Variants in KCNMB2 observed in about 807,000 individuals in gnomAD.
KCNMB2 encodes the protein calcium-activated potassium channel subunit beta-2.
KCNMB2 carries 9 observed loss-of-function variants against 24.5 expected under a neutral mutation model. That is an observed-to-expected ratio of 0.37 (90% confidence interval 0.22 to 0.64). The LOEUF is 0.64. KCNMB2 is among the 30% of genes least tolerant of loss of function. The pLI is 0.63. For missense variants in KCNMB2, 226 were observed against 284.3 expected, an observed-to-expected ratio of 0.79 and a Z score of 1.47; for synonymous variants, 109 against 104.4, an observed-to-expected ratio of 1.04 and a Z score of -0.27.
intron 1 of KCNMB2, among the ~76,000 whole-genome samples, chr3:178,733,511 C>T (rs879722426): frequency 1.3e-5 from 2 of 152,108 alleles, no homozygotes; most frequent in African/African-American, 2.4e-5. Flanking sequence ...GACAGAGTCT[C>T]GCTCCGTCGC....
At chr3:178,721,539 G>A (rs1722805992) in intron 1 of KCNMB2, among the ~76,000 whole-genome samples, 1 of 152,156 alleles carries the variant, frequency 6.6e-6, no homozygotes, top group Non-Finnish European at 1.5e-5. Flanking sequence ...AAACATTTGT[G>A]TGTACATTTG....
At chr3:178,614,829 G>A (rs1030766570) in intron 1 of KCNMB2, among the ~76,000 whole-genome samples, 2 of 152,180 alleles carry the variant, frequency 1.3e-5, no homozygotes, top group African/African-American at 4.8e-5. Flanking sequence ...ATTGATGATA[G>A]TAGATGTTTT....
At chr3:178,629,558 T>C (rs1206197493) in intron 1 of KCNMB2, among the ~76,000 whole-genome samples, 2 of 152,152 alleles carry the variant, frequency 1.3e-5, no homozygotes, top group East Asian at 1.9e-4. Flanking sequence ...AGAATCCTGG[T>C]CTGGAAAATG....
At chr3:178,775,953 G>C (rs928808953) in intron 1 of KCNMB2, among the ~76,000 whole-genome samples, 7 of 151,810 alleles carry the variant, frequency 4.6e-5, no homozygotes, top group Non-Finnish European at 1.0e-4. Flanking sequence ...TTCTCCCCAG[G>C]GTTCCATCTT....
At chr3:178,772,709 C>T (rs1162807017) in intron 1 of KCNMB2, among the ~76,000 whole-genome samples, 2 of 152,196 alleles carry the variant, frequency 1.3e-5, no homozygotes, top group African/African-American at 4.8e-5. Context: ...GCAGATAACA[C>T]TGCCTTGCAT....
chr3:178,727,417 C>T (rs1412133929), intron 1 of KCNMB2, among the ~76,000 whole-genome samples: 1 of 152,154 alleles, frequency 6.6e-6, no homozygotes, highest in Non-Finnish European at 1.5e-5. Flanking sequence ...GTCCTAATCT[C>T]TAGAACCTGA....
intron 1 of KCNMB2, among the ~76,000 whole-genome samples, chr3:178,579,164 A>G (rs1387586305): frequency 6.6e-6 from 1 of 152,202 alleles, no homozygotes; most frequent in Non-Finnish European, 1.5e-5. Context: ...CAGAAATCAT[A>G]ACAGTCTCTC....
chr3:178,649,515 TG>T (rs1720033335), intron 1 of KCNMB2, among the ~76,000 whole-genome samples: 1 of 151,824 alleles, frequency 6.6e-6, no homozygotes, highest in East Asian at 1.9e-4. Flanking sequence ...TTTTTTTGGT[TG>T]GTAGGCTATT....
At chr3:178,555,583 T>A (rs1427270537) in intron 1 of KCNMB2, among the ~76,000 whole-genome samples, 1 of 152,240 alleles carries the variant, frequency 6.6e-6, no homozygotes, top group Non-Finnish European at 1.5e-5. Context: ...ATGGGCTATG[T>A]TTACAAAGCC....
intron 1 of KCNMB2, among the ~76,000 whole-genome samples, chr3:178,737,688 G>C (rs1723361866): frequency 6.6e-6 from 1 of 152,170 alleles, no homozygotes; most frequent in Non-Finnish European, 1.5e-5. Context: ...TGGAAACAAA[G>C]AATGTATACT....
intron 1 of KCNMB2, among the ~76,000 whole-genome samples, chr3:178,707,717 AAT>A (rs10584287): frequency 0.31 from 47,642 of 151,928 alleles, 7,953 homozygotes; most frequent in African/African-American, 0.42. Context: ...AAAATCATTA[AAT>A]GGGAGCCATT....
chr3:178,780,426 A>G (rs1712782617), intron 1 of KCNMB2, among the ~76,000 whole-genome samples: 1 of 152,234 alleles, frequency 6.6e-6, no homozygotes, highest in Non-Finnish European at 1.5e-5. Context: ...TCAGGGATGC[A>G]AGGAGGGATT....
chr3:178,596,348 A>T (rs1363981747), intron 1 of KCNMB2, among the ~76,000 whole-genome samples: 1 of 152,148 alleles, frequency 6.6e-6, no homozygotes, highest in African/African-American at 2.4e-5. Flanking sequence ...TCTAAGCTGG[A>T]CAACAATCAT....
chr3:178,664,254 T>C (rs1204175498), intron 1 of KCNMB2, among the ~76,000 whole-genome samples: 1 of 151,944 alleles, frequency 6.6e-6, no homozygotes, highest in African/African-American at 2.4e-5. Context: ...TTAATAAAAG[T>C]AGAGAACAAA....
intron 1 of KCNMB2, among the ~76,000 whole-genome samples, chr3:178,558,350 T>C (rs1398154678): frequency 6.6e-6 from 1 of 152,192 alleles, no homozygotes; most frequent in Non-Finnish European, 1.5e-5. Flanking sequence ...TTTAAGTAAT[T>C]AAAAAGGAGC....
chr3:178,796,795 A>G lies in KCNMB2; in HGVS notation c.-67-10548A>G, dbSNP rs546819307. ...TAGCAGTAAACACCTACATCAAAAAAGTAGAAAAACTTCAAATAAACAACC... is the reference window on the plus strand; with the variant it reads ...TAGCAGTAAACACCTACATCAAAAAGGTAGAAAAACTTCAAATAAACAACC... On this transcript the variant is annotated intron_variant, in intron 1 of 4. Coordinates refer to ENST00000452583, the MANE Select transcript of KCNMB2 (RefSeq NM_181361.3). Among the ~76,000 whole-genome samples the G allele has an allele frequency of 3.3e-5, 5 of 152,258 alleles. No individual in the cohort carries two copies. The East Asian group carries it at 9.6e-4, about 29-fold the overall frequency.
chr3:178,621,829 T>C (rs1012583729), intron 1 of KCNMB2, among the ~76,000 whole-genome samples: 3 of 152,200 alleles, frequency 2.0e-5, no homozygotes, highest in African/African-American at 7.2e-5. Flanking sequence ...TAGTTAACTA[T>C]GGAATTTGGA....
chr3:178,598,537 A>C (rs1281337710), intron 1 of KCNMB2, among the ~76,000 whole-genome samples: 1 of 152,084 alleles, frequency 6.6e-6, no homozygotes, highest in Non-Finnish European at 1.5e-5. Context: ...GAAAGCTATG[A>C]TTACAGTAGA....
At chr3:178,815,133 G>GT (rs1316409040) in intron 2 of KCNMB2, among the ~76,000 whole-genome samples, 1 of 151,888 alleles carries the variant, frequency 6.6e-6, no homozygotes, top group Non-Finnish European at 1.5e-5. Context: ...GTTTTTGTTT[G>GT]TTTTTTGTTT....
Sources: allele counts gnomAD v4.1 joint callset (sites outside exome capture counted in the v4.1 genomes callset), GRCh38; gene constraint gnomAD v4.1.1; transcripts MANE v1.5; gene names NCBI Gene and HGNC (gene_info 2026-07-23, HGNC 2026-07-21).